Variants in ZDHHC20 observed in about 807,000 individuals in gnomAD.
ZDHHC20 encodes the protein palmitoyltransferase ZDHHC20.
In ZDHHC20, 43 loss-of-function variants were observed where a neutral mutation model predicts 57.8. The ratio of observed to expected loss-of-function variants is 0.74; its 90% CI spans 0.58 to 0.96. The LOEUF is 0.96. Among genes scored for constraint, ZDHHC20 ranks in the 40% least tolerant of loss-of-function variants. ZDHHC20 has a pLI of 0.00. For missense variants in ZDHHC20, 391 were observed against 441.1 expected (o/e 0.89, Z 1.02); for synonymous variants, 157 against 153.0 (o/e 1.03, Z -0.19).
chr13:21,413,759 T>G lies in ZDHHC20; in HGVS notation c.263A>C (p.Asn88Thr). 1 of 1,609,872 alleles carries G rather than the reference T, an allele frequency of 6.2e-7. No individual in the cohort carries two copies. Among genetic ancestry groups the G allele is most frequent in the Non-Finnish European group, 8.5e-7 (1 of 1,178,056 alleles). The change falls in exon 4 of 13, where the codon AAT becomes ACT. Residue 88 changes from asparagine to threonine, a missense_variant. Transcript: ENST00000400590. ...ASPSKEFYLS[N>T]SEKERYEKEF... Reference sequence around the variant, plus strand: ...TTTTTCATAACGTTCCTTTTCAGAATTGGACAAGTAGAACTATAAAAGGAA... The same window carrying G: ...TTTTTCATAACGTTCCTTTTCAGAAGTGGACAAGTAGAACTATAAAAGGAA...
chr13:21,376,038 A>C lies in ZDHHC20; in HGVS notation c.*658T>G, dbSNP rs1446876687. 6.6e-6 allele frequency: 1 copy of C among 152,222 alleles called. No individual in the cohort carries two copies. The highest frequency in any genetic ancestry group is 1.9e-4 in the East Asian group (1 of 5,204). 9.4% of individuals were successfully genotyped at this position (152,222 alleles called of 1,614,324 possible). A position where few individuals can be genotyped will look rare whatever the true frequency, so the allele number is the denominator to read the frequency against. On this transcript the variant is annotated 3_prime_UTR_variant, in exon 13 of 13. Coordinates refer to ENST00000400590, the MANE Select transcript of ZDHHC20 (RefSeq NM_001330059.2). Reference sequence around the variant, plus strand: ...CTACTACATGGTTGTATTAATGCTCATAACTAAGCTTTCGATGAATTAGAC... The same window carrying C: ...CTACTACATGGTTGTATTAATGCTCCTAACTAAGCTTTCGATGAATTAGAC...
At chr13:21,444,081 G>A (rs537344677) in intron 1 of ZDHHC20, among the ~76,000 whole-genome samples, 48 of 152,264 alleles carry the variant, frequency 3.2e-4, no homozygotes, top group East Asian at 5.8e-4. Context: ...GCTTGAACCC[G>A]GGAGGTGGGG....
Position 21,425,697 on chromosome 13 carries a change from T to C in ZDHHC20, c.119-19A>G, listed in dbSNP as rs568864618. 89 of 1,137,442 alleles carry C rather than the reference T, an allele frequency of 7.8e-5. No homozygotes were observed. The highest frequency in any genetic ancestry group is 8.0e-5 in the Non-Finnish European group (67 of 842,308). 70.5% of individuals were successfully genotyped at this position (1,137,442 alleles called of 1,614,324 possible). On this transcript the variant is annotated intron_variant, in intron 1 of 12. Transcript: ENST00000400590. ...ATAGTAACTAGAATAGAAGAAAAAA[T>C]AGTGAATAAATATACTTTAAACATT...
chr13:21,378,774 A>T, intron 11 of ZDHHC20, 36 bp from the exon 12 acceptor site: 1 of 1,174,624 alleles, frequency 8.5e-7, no homozygotes, highest in Non-Finnish European at 1.2e-6. Context: ...ATGACAAAAA[A>T]AAAAAAAAAA....
intron 11 of ZDHHC20, among the ~76,000 whole-genome samples, chr13:21,379,664 T>G (rs1872882856): frequency 6.6e-6 from 1 of 152,172 alleles, no homozygotes; most frequent in South Asian, 2.1e-4. Flanking sequence ...TAGACTGTAA[T>G]GCTAGTTAAG....
At chr13:21,407,992 AC>A (rs1417369537) in intron 4 of ZDHHC20, among the ~76,000 whole-genome samples, 1 of 152,154 alleles carries the variant, frequency 6.6e-6, no homozygotes, top group Non-Finnish European at 1.5e-5. Flanking sequence ...CGGTTTTGGC[AC>A]CAATACCATG....
At chr13:21,382,335 T>G (rs1873567233) in intron 10 of ZDHHC20, among the ~76,000 whole-genome samples, 1 of 152,224 alleles carries the variant, frequency 6.6e-6, no homozygotes, top group Non-Finnish European at 1.5e-5. Flanking sequence ...ATTTCTGTAG[T>G]GAATAAATTA....
At chr13:21,439,069 A>T (rs1317689921) in intron 1 of ZDHHC20, among the ~76,000 whole-genome samples, 1 of 152,224 alleles carries the variant, frequency 6.6e-6, no homozygotes, top group East Asian at 1.9e-4. Flanking sequence ...AACTTGTATG[A>T]CTTGCTTTAT....
At chr13:21,378,343 A>C (rs1158579212) in intron 12 of ZDHHC20, among the ~76,000 whole-genome samples, 1 of 152,176 alleles carries the variant, frequency 6.6e-6, no homozygotes. Flanking sequence ...TAGAGGTGTG[A>C]GCCACCTTGC....
chr13:21,407,630 C>T (rs1462329030), intron 4 of ZDHHC20, among the ~76,000 whole-genome samples: 1 of 152,112 alleles, frequency 6.6e-6, no homozygotes, highest in Non-Finnish European at 1.5e-5. Flanking sequence ...TAATTAGATG[C>T]CAATTGTCAA....
At chr13:21,379,738 CTA>C (rs1211137228) in intron 11 of ZDHHC20, among the ~76,000 whole-genome samples, 1 of 152,128 alleles carries the variant, frequency 6.6e-6, no homozygotes. Context: ...ACTGACTATT[CTA>C]TACCTTAATC....
At chr13:21,434,058 TAATCA>T (rs2137970297) in intron 1 of ZDHHC20, among the ~76,000 whole-genome samples, 1 of 152,214 alleles carries the variant, frequency 6.6e-6, no homozygotes, top group South Asian at 2.1e-4. Flanking sequence ...ACTAGTCTGG[TAATCA>T]ACAGGGTTTG....
At chr13:21,403,756 C>T (rs1206677649) in intron 4 of ZDHHC20, among the ~76,000 whole-genome samples, 1 of 152,120 alleles carries the variant, frequency 6.6e-6, no homozygotes, top group Non-Finnish European at 1.5e-5. Flanking sequence ...TGCACGATCT[C>T]GGCTCACTGC....
At position 21,391,713 on chromosome 13, in the gene ZDHHC20, C is replaced by T. The variant is rs1875749402; in HGVS notation, c.727+9G>A. 1 of 1,593,642 alleles carries T rather than the reference C, an allele frequency of 6.3e-7. No homozygotes were observed. Among genetic ancestry groups the T allele is most frequent in the Non-Finnish European group, 8.5e-7 (1 of 1,175,012 alleles). On this transcript the variant is annotated intron_variant, in intron 8 of 12. Coordinates refer to ENST00000400590, the MANE Select transcript of ZDHHC20 (RefSeq NM_001330059.2). ...CCTAAGTAATTATAATTTATTTTAA[C>T]CTACTTACCTATTGTTGTTCTATTT...
At chr13:21,388,833 CA>C (rs1048945145) in intron 8 of ZDHHC20, among the ~76,000 whole-genome samples, 1 of 152,008 alleles carries the variant, frequency 6.6e-6, no homozygotes, top group Non-Finnish European at 1.5e-5. Flanking sequence ...CATGAATTAG[CA>C]AAGGAATAAT....
chr13:21,416,904 G>A (rs1445100325), intron 3 of ZDHHC20, among the ~76,000 whole-genome samples: 3 of 152,232 alleles, frequency 2.0e-5, no homozygotes, highest in South Asian at 4.1e-4. Flanking sequence ...CCATGCAAAC[G>A]AACATGACCT....
At chr13:21,433,959 G>GT (rs771161334) in intron 1 of ZDHHC20, among the ~76,000 whole-genome samples, 1 of 152,072 alleles carries the variant, frequency 6.6e-6, no homozygotes, top group Non-Finnish European at 1.5e-5. Context: ...ATATGTTTTA[G>GT]TTTTTTTATT....
At position 21,433,668 on chromosome 13, in the gene ZDHHC20, T is replaced by A. The variant is rs77277053; in HGVS notation, c.119-7990A>T. ...AACAAAAATCTGCCTGGTTTTGTTT[T>A]TTGTTTGTTTGTTCTGGGAGATCCA... On this transcript the variant is annotated intron_variant, in intron 1 of 12. Coordinates refer to ENST00000400590, the MANE Select transcript of ZDHHC20 (RefSeq NM_001330059.2). Among the ~76,000 whole-genome samples the A allele has an allele frequency of 8.5e-3, 1,294 of 151,900 alleles. 15 individuals carry two copies. The highest frequency in any genetic ancestry group is 0.03 in the African/African-American group (1,222 of 41,244).
chr13:21,407,708 AAT>A (rs1878647176), intron 4 of ZDHHC20, among the ~76,000 whole-genome samples: 1 of 152,112 alleles, frequency 6.6e-6, no homozygotes, highest in Non-Finnish European at 1.5e-5. Flanking sequence ...ATATATCCTG[AAT>A]GGTGTTGCCT....
Sources: allele counts gnomAD v4.1 joint callset (sites outside exome capture counted in the v4.1 genomes callset), GRCh38; gene constraint gnomAD v4.1.1; transcripts MANE v1.5; gene names NCBI Gene and HGNC (gene_info 2026-07-23, HGNC 2026-07-21).